Variants in RSPRY1 observed in about 807,000 individuals in gnomAD.
RSPRY1 encodes the protein RING finger and SPRY domain-containing protein 1.
In RSPRY1, 23 loss-of-function variants were observed where a neutral mutation model predicts 73.1. That is an observed-to-expected ratio of 0.31 (90% CI 0.23 to 0.45). The LOEUF (loss-of-function observed/expected upper bound fraction) is 0.45, where lower values mean the gene tolerates loss of function less well. Among genes scored for constraint, RSPRY1 ranks in the 20% least tolerant of loss-of-function variants. RSPRY1 has a pLI of 1.00. For synonymous variants in RSPRY1, 226 were observed against 251.4 expected (o/e 0.90, Z 0.95); for missense variants, 448 against 698.7 (o/e 0.64, Z 4.05).
intron 1 of RSPRY1, among the ~76,000 whole-genome samples, chr16:57,191,763 C>G (rs956479943): frequency 6.6e-6 from 1 of 152,034 alleles, no homozygotes; most frequent in Non-Finnish European, 1.5e-5. Context: ...ATTCTCTAGT[C>G]CCCTTTTGCT....
intron 10 of RSPRY1, among the ~76,000 whole-genome samples, chr16:57,221,826 T>C (rs2146327033): frequency 6.6e-6 from 1 of 152,362 alleles, no homozygotes; most frequent in Admixed American, 6.5e-5. Context: ...TGGCTTGACT[T>C]CTTTCACTTG....
intron 6 of RSPRY1, among the ~76,000 whole-genome samples, chr16:57,214,531 G>C (rs867820382): frequency 1.7e-4 from 26 of 152,142 alleles, no homozygotes; most frequent in African/African-American, 6.3e-4. Context: ...CAAAACTCTG[G>C]TCTGAAAACC....
chr16:57,205,051 G>A (rs747398427), intron 2 of RSPRY1, 43 bp downstream of exon 2: 6 of 1,471,200 alleles, frequency 4.1e-6, no homozygotes, highest in Non-Finnish European at 4.7e-6. Context: ...AATGAAAAGT[G>A]TTCTGCCCGG....
chr16:57,201,631 G>A (rs1369705732), intron 1 of RSPRY1, among the ~76,000 whole-genome samples: 1 of 150,956 alleles, frequency 6.6e-6, no homozygotes, highest in Non-Finnish European at 1.5e-5. Context: ...AGGTTGTATC[G>A]AGCCGAGATC....
At chr16:57,207,660 G>A (rs1179945131) in intron 2 of RSPRY1, 6 of 458,582 alleles carry the variant, frequency 1.3e-5, no homozygotes, top group East Asian at 6.9e-5. Flanking sequence ...CGGGATTGTC[G>A]TCTCTCTTCC....
intron 1 of RSPRY1, among the ~76,000 whole-genome samples, chr16:57,188,100 G>A (rs1255016284): frequency 6.6e-6 from 1 of 152,178 alleles, no homozygotes; most frequent in East Asian, 1.9e-4. Flanking sequence ...AATACTATGC[G>A]TTGTTGTGGT....
chr16:57,200,896 T>G, intron 1 of RSPRY1, among the ~76,000 whole-genome samples: 1 of 94,116 alleles, frequency 1.1e-5, no homozygotes, highest in Admixed American at 1.3e-4. Flanking sequence ...TACTTCCCAG[T>G]AGGGGCGGCC....
chr16:57,194,807 A>G (rs1341724342), intron 1 of RSPRY1, among the ~76,000 whole-genome samples: 1 of 152,224 alleles, frequency 6.6e-6, no homozygotes, highest in Non-Finnish European at 1.5e-5. Flanking sequence ...GAAGAGATGA[A>G]TCATTGATTC....
At chr16:57,202,634 ATACTT>A (rs1260540192) in intron 1 of RSPRY1, among the ~76,000 whole-genome samples, 15 of 152,042 alleles carry the variant, frequency 9.9e-5, no homozygotes, top group Admixed American at 9.8e-4. Flanking sequence ...TCCTACCTAT[ATACTT>A]CAGTCACATC....
intron 1 of RSPRY1, among the ~76,000 whole-genome samples, chr16:57,194,672 T>C (rs2074408438): frequency 6.6e-6 from 1 of 152,244 alleles, no homozygotes; most frequent in Non-Finnish European, 1.5e-5. Flanking sequence ...GTTTTTCTTC[T>C]TTATGGTCAC....
chr16:57,207,288 C>G (rs1408322623), intron 2 of RSPRY1, among the ~76,000 whole-genome samples: 1 of 151,414 alleles, frequency 6.6e-6, no homozygotes, highest in African/African-American at 2.4e-5. Flanking sequence ...AGGTTATTCT[C>G]TGGATTAAAT....
chr16:57,212,898 C>CA lies in RSPRY1; in HGVS notation c.517-64dup, dbSNP rs113385856. On this transcript the variant is annotated intron_variant, in intron 4 of 14. Transcript: ENST00000394420. ...AAAGTGCTGGTTATAGCTTTTGTCT[C>CA]AAAAAAAAAATGAGCCTGGGAAAAC... 12,377 of 1,248,156 alleles carry CA rather than the reference C, an allele frequency of 9.9e-3. 1 individual carries two copies. Among genetic ancestry groups the CA allele is most frequent in the East Asian group, 0.012 (425 of 35,058 alleles). The allele number at this position is 1,248,156 out of a possible 1,614,324, so 77.3% of individuals were successfully genotyped here. A position where few individuals can be genotyped will look rare whatever the true frequency, so the allele number is the denominator to read the frequency against.
chr16:57,234,785 T>C (rs547217126), intron 13 of RSPRY1, among the ~76,000 whole-genome samples: 11 of 152,354 alleles, frequency 7.2e-5, no homozygotes, highest in African/African-American at 2.4e-4. Flanking sequence ...GTGAGCAGAC[T>C]CTCACATATG....
chr16:57,235,303 A>C (rs2075284484), intron 14 of RSPRY1, 75 bp downstream of exon 14: 3 of 1,064,952 alleles, frequency 2.8e-6, no homozygotes, highest in Non-Finnish European at 4.3e-6. Context: ...GTCAGGGTTT[A>C]TTGTATCTAA....
chr16:57,208,614 G>C (rs2074776206), intron 3 of RSPRY1, among the ~76,000 whole-genome samples: 1 of 151,652 alleles, frequency 6.6e-6, no homozygotes, highest in South Asian at 2.1e-4. Flanking sequence ...GGCCCAGCCT[G>C]GTCTTGTACT....
chr16:57,200,791 G>A (rs2074566031), intron 1 of RSPRY1, among the ~76,000 whole-genome samples: 1 of 10,972 alleles, frequency 9.1e-5, no homozygotes, highest in South Asian at 4.5e-3. Flanking sequence ...GCTGGGGGCT[G>A]GCCCCCCCCA....
chr16:57,196,600 C>A (rs1214841775), intron 1 of RSPRY1, among the ~76,000 whole-genome samples: 2 of 152,026 alleles, frequency 1.3e-5, no homozygotes, highest in South Asian at 2.1e-4. Flanking sequence ...ATTCTAATGC[C>A]GTCTATGGGA....
chr16:57,239,028 G>T lies in RSPRY1; in HGVS notation c.*53G>T. 5.1e-6 allele frequency: 5 copies of T among 975,216 alleles called. No individual in the cohort carries two copies. Among genetic ancestry groups the T allele is most frequent in the East Asian group, 5.2e-5 (2 of 38,414 alleles). 60.4% of individuals were successfully genotyped at this position (975,216 alleles called of 1,614,324 possible). A position where few individuals can be genotyped will look rare whatever the true frequency, so the allele number is the denominator to read the frequency against. On this transcript the variant is annotated 3_prime_UTR_variant, in exon 15 of 15. Coordinates refer to ENST00000394420, the MANE Select transcript of RSPRY1 (RefSeq NM_133368.3). Reference sequence around the variant, plus strand: ...TTTCTACTCAATTCCAGCCAATGTTGAAAAGAAAAAGAAAAAAAAAACTCT... The same window carrying T: ...TTTCTACTCAATTCCAGCCAATGTTTAAAAGAAAAAGAAAAAAAAAACTCT...
intron 3 of RSPRY1, 21 bp from the exon 4 acceptor site, chr16:57,209,054 A>C: frequency 6.8e-7 from 1 of 1,479,450 alleles, no homozygotes; most frequent in African/African-American, 1.4e-5. Context: ...CCATCATATA[A>C]TCTTCTTGAT....
Sources: gnomAD v4.1 joint callset for allele counts (sites outside exome capture counted in the v4.1 genomes callset) on GRCh38, gnomAD v4.1.1 for gene constraint, MANE v1.5 for transcripts, NCBI Gene and HGNC (gene_info 2026-07-23, HGNC 2026-07-21) for gene names.